ST8SIA6: variants seen among roughly 807,000 people sequenced by gnomAD.
ST8SIA6 encodes the protein alpha-2,8-sialyltransferase 8F.
In ST8SIA6, 39 loss-of-function variants were observed where a neutral mutation model predicts 33.6. The observed-to-expected ratio is 1.16, with a 90% CI of 0.90 to 1.52. The LOEUF is 1.52. Among genes scored for constraint, ST8SIA6 ranks in the 40% most tolerant of loss-of-function variants. The pLI, the probability that ST8SIA6 is intolerant of heterozygous loss-of-function variation, is 0.00. For missense variants in ST8SIA6, 441 were observed against 443.8 expected (o/e 0.99, Z 0.06); for synonymous variants, 172 against 167.2 (o/e 1.03, Z -0.22).
chr10:17,429,478 T>C (rs554356327), intron 2 of ST8SIA6, among the ~76,000 whole-genome samples: 1 of 151,962 alleles, frequency 6.6e-6, no homozygotes, highest in South Asian at 2.1e-4. Context: ...CAGCGGCTGC[T>C]TTTCTCGGGA....
At chr10:17,437,721 C>T (rs1019818271) in intron 2 of ST8SIA6, among the ~76,000 whole-genome samples, 2 of 148,892 alleles carry the variant, frequency 1.3e-5, no homozygotes, top group African/African-American at 5.0e-5. Flanking sequence ...CTTCCCTTCC[C>T]TCCCTTCCCT....
chr10:17,411,936 G>C (rs1190344051), intron 2 of ST8SIA6, among the ~76,000 whole-genome samples: 1 of 147,970 alleles, frequency 6.8e-6, no homozygotes, highest in African/African-American at 2.5e-5. Flanking sequence ...TTTTTTTTCT[G>C]CCCTCACTCC....
At chr10:17,431,574 A>G (rs1852102865) in intron 2 of ST8SIA6, among the ~76,000 whole-genome samples, 3 of 152,168 alleles carry the variant, frequency 2.0e-5, no homozygotes, top group South Asian at 4.2e-4. Context: ...GCCCGCTGGA[A>G]AAACAAGGAA....
chr10:17,337,186 C>A (rs542662742), intron 4 of ST8SIA6, among the ~76,000 whole-genome samples: 71 of 152,222 alleles, frequency 4.7e-4, no homozygotes, highest in Middle Eastern at 3.4e-3. Context: ...AGCCTGCCAC[C>A]TCTTTGTCTT....
chr10:17,423,873 C>A (rs1168087941), intron 2 of ST8SIA6, among the ~76,000 whole-genome samples: 1 of 152,186 alleles, frequency 6.6e-6, no homozygotes, highest in Admixed American at 6.5e-5. Flanking sequence ...CTGTAGATAA[C>A]TAAAGTGATG....
In ST8SIA6 at chr10:17,317,623, T is replaced by A. The variant is rs1210547073; in HGVS notation, c.*3255A>T. Among the ~76,000 whole-genome samples the A allele has an allele frequency of 6.6e-6, 1 of 152,216 alleles. No individual in the cohort carries two copies. Among genetic ancestry groups the A allele is most frequent in the Non-Finnish European group, 1.5e-5 (1 of 68,036 alleles). ...GTTTAGGATGTTAGTGGACCTGTTT[T>A]CCACAAAATTTTCCACTTTTCCCAA... On this transcript the variant is annotated 3_prime_UTR_variant, in exon 8 of 8. Transcript: ENST00000377602.
chr10:17,363,078 G>A (rs1019931773), intron 3 of ST8SIA6, among the ~76,000 whole-genome samples: 1 of 152,088 alleles, frequency 6.6e-6, no homozygotes, highest in African/African-American at 2.4e-5. Context: ...TAAGCTCAAA[G>A]CTTGGATTAT....
At chr10:17,389,869 C>T (rs1174033066) in intron 3 of ST8SIA6, among the ~76,000 whole-genome samples, 1 of 152,140 alleles carries the variant, frequency 6.6e-6, no homozygotes, top group Non-Finnish European at 1.5e-5. Flanking sequence ...GTCACCCAGG[C>T]TGGACGAAGT....
At chr10:17,385,849 C>T (rs376967656) in intron 3 of ST8SIA6, among the ~76,000 whole-genome samples, 1 of 152,090 alleles carries the variant, frequency 6.6e-6, no homozygotes, top group African/African-American at 2.4e-5. Context: ...GTGTCACGGG[C>T]GCATTCTCAA....
At chr10:17,384,428 T>G (rs1850264482) in intron 3 of ST8SIA6, among the ~76,000 whole-genome samples, 1 of 152,222 alleles carries the variant, frequency 6.6e-6, no homozygotes, top group South Asian at 2.1e-4. Context: ...ATACAAATAA[T>G]TAGGCCAAGT....
intron 4 of ST8SIA6, among the ~76,000 whole-genome samples, chr10:17,333,717 A>ATATTTTTTT (rs1251981910): frequency 5.9e-5 from 2 of 33,770 alleles, no homozygotes; most frequent in Non-Finnish European, 9.3e-5. Context: ...ATATATATAT[A>ATATTTTTTT]TTTTTTTTTT....
At chr10:17,427,267 A>AG (rs1436639866) in intron 2 of ST8SIA6, among the ~76,000 whole-genome samples, 1 of 152,152 alleles carries the variant, frequency 6.6e-6, no homozygotes, top group African/African-American at 2.4e-5. Context: ...AGTCATTAGG[A>AG]GGGACTGGGT....
chr10:17,453,711 C>T lies in ST8SIA6; in HGVS notation c.102-54G>A. ...GCTACACCCCGCCGGGAGCTGTTGGCTGAAAGGCTGGGAGTCGCGCTCCTT... is the reference window on the plus strand; with the variant it reads ...GCTACACCCCGCCGGGAGCTGTTGGTTGAAAGGCTGGGAGTCGCGCTCCTT... On this transcript the variant is annotated intron_variant, in intron 1 of 7. Coordinates refer to ENST00000377602, the MANE Select transcript of ST8SIA6 (RefSeq NM_001004470.3). The T allele has an allele frequency of 4.1e-6, 5 of 1,231,480 alleles. No individual in the cohort carries two copies. The Admixed American group carries it at 1.7e-4, about 41-fold the overall frequency. 76.3% of individuals were successfully genotyped at this position (1,231,480 alleles called of 1,614,324 possible).
At chr10:17,383,616 C>T (rs560525628) in intron 3 of ST8SIA6, among the ~76,000 whole-genome samples, 1 of 152,242 alleles carries the variant, frequency 6.6e-6, no homozygotes, top group South Asian at 2.1e-4. Context: ...TTTTGTTCCT[C>T]TTTAGAGGGT....
At chr10:17,329,619 C>T (rs968490658) in intron 5 of ST8SIA6, among the ~76,000 whole-genome samples, 2 of 152,110 alleles carry the variant, frequency 1.3e-5, no homozygotes, top group Non-Finnish European at 2.9e-5. Context: ...TGCAAATAGG[C>T]TCATTATGGT....
intron 2 of ST8SIA6, among the ~76,000 whole-genome samples, chr10:17,434,723 G>C (rs1018998477): frequency 1.3e-5 from 2 of 151,178 alleles, no homozygotes; most frequent in African/African-American, 4.9e-5. Flanking sequence ...TGTGTCTGTA[G>C]GTGTTGGGAG....
At chr10:17,339,254 T>C (rs1564408649) in intron 4 of ST8SIA6, among the ~76,000 whole-genome samples, 1 of 152,176 alleles carries the variant, frequency 6.6e-6, no homozygotes, top group Non-Finnish European at 1.5e-5. Context: ...TGTTAACAAC[T>C]ACTTAAGGCT....
intron 4 of ST8SIA6, 101 bp downstream of exon 4, chr10:17,359,413 G>A: frequency 2.4e-6 from 2 of 846,856 alleles, no homozygotes; most frequent in Non-Finnish European, 3.6e-6. Context: ...GCCAGCTGGG[G>A]TTGGTTCTAC....
intron 3 of ST8SIA6, among the ~76,000 whole-genome samples, chr10:17,385,384 C>T (rs139635901): frequency 8.1e-4 from 124 of 152,274 alleles, no homozygotes; most frequent in African/African-American, 2.7e-3. Flanking sequence ...GATGTTGTCA[C>T]GGTGTCTGTG....
Sources: allele counts gnomAD v4.1 joint callset (sites outside exome capture counted in the v4.1 genomes callset), GRCh38; gene constraint gnomAD v4.1.1; transcripts MANE v1.5; gene names NCBI Gene and HGNC (gene_info 2026-07-23, HGNC 2026-07-21).